Variants in KIF27 observed in about 807,000 individuals in gnomAD.
The protein encoded by KIF27 is kinesin-like protein KIF27.
Under a neutral mutation model 141.8 loss-of-function variants are expected in KIF27, and 84 were observed. That is an observed-to-expected ratio of 0.59 (90% confidence interval 0.50 to 0.71). The LOEUF (loss-of-function observed/expected upper bound fraction) is 0.71. KIF27 is among the 30% of genes least tolerant of loss of function. The pLI is 0.00. For synonymous variants in KIF27, 471 were observed against 569.5 expected (o/e 0.83, Z 2.46); for missense variants, 1,306 against 1,628.4 (o/e 0.80, Z 3.41).
chr9:83,859,128 C>T (rs369263386), intron 14 of KIF27, 28 bp downstream of exon 14: 12 of 1,390,650 alleles, frequency 8.6e-6, no homozygotes, highest in South Asian at 1.2e-5. Context: ...TCATACAGCA[C>T]CTCCAGTTCC....
chr9:83,860,931 T>C (rs1459005706), intron 13 of KIF27, among the ~76,000 whole-genome samples: 1 of 152,038 alleles, frequency 6.6e-6, no homozygotes, highest in Non-Finnish European at 1.5e-5. Flanking sequence ...TCACATTTGA[T>C]TGTTTGGCTA....
intron 13 of KIF27, 151 bp from the exon 14 acceptor site, chr9:83,859,522 G>A (rs1949641555): frequency 1.6e-6 from 1 of 606,786 alleles, no homozygotes; most frequent in South Asian, 2.1e-5. Flanking sequence ...TTGAGGGAGG[G>A]GGTATTCATT....
chr9:83,905,823 C>T (rs918698663), intron 3 of KIF27, among the ~76,000 whole-genome samples: 3 of 152,306 alleles, frequency 2.0e-5, no homozygotes, highest in African/African-American at 7.2e-5. Flanking sequence ...AAGCTTCCCA[C>T]GTGTACTAAT....
chr9:83,903,113 C>T lies in KIF27; in HGVS notation c.1405G>A (p.Gly469Arg). 1 of 1,614,148 alleles carries T rather than the reference C, an allele frequency of 6.2e-7. No individual in the cohort carries two copies. Among genetic ancestry groups the T allele is most frequent in the Non-Finnish European group, 8.5e-7 (1 of 1,180,024 alleles). The change falls in exon 4 of 18, where the codon GGA (glycine) becomes AGA (arginine). Residue 469 changes from glycine (G) to arginine (R), a missense_variant. By Grantham distance (125) the Gly-to-Arg change is moderately radical. Around this residue, in one of 4 missense-constraint regions of KIF27, gnomAD observed 533 missense variants for 565.6 expected, o/e 0.94. Coordinates refer to ENST00000297814, the MANE Select transcript of KIF27 (RefSeq NM_017576.4). Reference protein sequence around the residue: ...GIGGTASLEEGPQHVTVLQLK... With the variant: ...GIGGTASLEERPQHVTVLQLK... ...TGGAGAACTGTAACATGCTGTGGTC[C>T]TTCTTCCAGACTTGCAGTGCCTCCG...
At chr9:83,913,968 C>A (rs1280241867) in intron 2 of KIF27, among the ~76,000 whole-genome samples, 1 of 151,942 alleles carries the variant, frequency 6.6e-6, no homozygotes, top group Non-Finnish European at 1.5e-5. Flanking sequence ...AAAACACCAT[C>A]CAAAATGTTC....
At position 83,837,238 on chromosome 9, in the gene KIF27, T is replaced by C. The variant is rs776719927; in HGVS notation, c.3969A>G (p.Thr1323=). ...TTGTAAACTGATTATCATCTGTTTC[T>C]GTTTTATTCTCATTACCTAACATAT... ...SGHMLGNENK[T]ETDDNQFTKS... Residue 1323 remains threonine (T), a synonymous_variant, in exon 18 of 18, where the codon ACA becomes ACG. Transcript: ENST00000297814. The C allele has an allele frequency of 6.2e-7, 1 of 1,613,738 alleles. No homozygotes were observed. The highest frequency in any genetic ancestry group is 8.5e-7 in the Non-Finnish European group (1 of 1,179,790).
intron 10 of KIF27, among the ~76,000 whole-genome samples, chr9:83,880,845 T>C (rs1205593100): frequency 6.6e-6 from 1 of 152,244 alleles, no homozygotes; most frequent in Non-Finnish European, 1.5e-5. Flanking sequence ...TCTTATCATA[T>C]ACCCCTAATC....
chr9:83,889,413 T>C, intron 6 of KIF27, 160 bp from the exon 7 acceptor site: 1 of 552,952 alleles, frequency 1.8e-6, no homozygotes, highest in Non-Finnish European at 3.1e-6. Flanking sequence ...TCAAAATTAA[T>C]TTAACAATAC....
At chr9:83,840,860 T>C (rs1320927826) in intron 17 of KIF27, among the ~76,000 whole-genome samples, 2 of 152,170 alleles carry the variant, frequency 1.3e-5, no homozygotes, top group Non-Finnish European at 2.9e-5. Flanking sequence ...AGGCAACTTT[T>C]ATCTTGGAAT....
At chr9:83,883,693 T>C (rs1430890823) in intron 10 of KIF27, 120 bp downstream of exon 10, 3 of 651,450 alleles carry the variant, frequency 4.6e-6, no homozygotes, top group Non-Finnish European at 7.9e-6. Context: ...AAAAGAAAAG[T>C]TGATACCCAG....
Position 83,836,290 on chromosome 9 carries a change from A to T in KIF27, c.*711T>A, listed in dbSNP as rs1403316262. On this transcript the variant is annotated 3_prime_UTR_variant, in exon 18 of 18. Transcript: ENST00000297814. ...TAATTTCCGTGTTCCATGGAACAGCATTCATTTCTCCCAGTTTTAGTAACA... is the reference window on the plus strand; with the variant it reads ...TAATTTCCGTGTTCCATGGAACAGCTTTCATTTCTCCCAGTTTTAGTAACA... 6.6e-6 allele frequency among the ~76,000 whole-genome samples: 1 copy of T among 152,100 alleles called. No individual in the cohort carries two copies.
Position 83,888,595 on chromosome 9 carries a change from TA to T in KIF27, c.1980-4del, listed in dbSNP as rs772238541. On this transcript the variant is annotated splice_region_variant and splice_polypyrimidine_tract_variant and intron_variant, in intron 7 of 17. Coordinates refer to ENST00000297814, the MANE Select transcript of KIF27 (RefSeq NM_017576.4). ...GAATCCATGAACGACTTCTACATCT[TA>T]AAAAAAAATCAGAAAGTTAACTTAT... The T allele has an allele frequency of 7.4e-4, 1,103 of 1,483,930 alleles. No individual in the cohort carries two copies. Among genetic ancestry groups the T allele is most frequent in the Admixed American group, 1.2e-3 (58 of 50,366 alleles). The allele number at this position is 1,483,930 out of a possible 1,614,324, so 91.9% of individuals were successfully genotyped here. A position where few individuals can be genotyped will look rare whatever the true frequency, so the allele number is the denominator to read the frequency against.
Position 83,889,111 on chromosome 9 carries a change from G to A in KIF27, c.1952C>T (p.Ser651Leu). 6.2e-7 allele frequency: 1 copy of A among 1,613,318 alleles called. No individual in the cohort carries two copies. Among genetic ancestry groups the A allele is most frequent in the Non-Finnish European group, 8.5e-7 (1 of 1,179,572 alleles). ...AGTTCCAGATTTCTCTTGGCCTTCTGATTCTTCATCATCACTGTTATCAGA... is the reference window on the plus strand; with the variant it reads ...AGTTCCAGATTTCTCTTGGCCTTCTAATTCTTCATCATCACTGTTATCAGA... ...QFSDNSDDEE[S>L]EGQEKSGTRC... Residue 651 changes from serine to leucine, a missense_variant, in exon 7 of 18, where the codon TCA becomes TTA. By Grantham distance (145) the Ser-to-Leu change is moderately radical. This residue lies in a region of KIF27 where 596 missense variants were observed against 751.6 expected (regional missense o/e 0.79). Coordinates refer to ENST00000297814, the MANE Select transcript of KIF27 (RefSeq NM_017576.4).
chr9:83,875,251 A>G (rs1951120586), intron 11 of KIF27, among the ~76,000 whole-genome samples: 1 of 152,230 alleles, frequency 6.6e-6, no homozygotes, highest in South Asian at 2.1e-4. Context: ...ATATACTCTG[A>G]AGGCTTTAAT....
intron 14 of KIF27, among the ~76,000 whole-genome samples, chr9:83,854,538 T>A (rs1948967350): frequency 6.6e-6 from 1 of 152,214 alleles, no homozygotes; most frequent in African/African-American, 2.4e-5. Context: ...TGAATCCCTG[T>A]AGGAAAACCT....
rs140546026 is a variant in KIF27 at position 83,859,124 on chromosome 9, A to G, written c.3150+32T>C. ...AAATCACTCAAGTGATCCATCATAC[A>G]GCACCTCCAGTTCCAAAGAATACTG... On this transcript the variant is annotated intron_variant, in intron 14 of 17. Transcript: ENST00000297814. 3.2e-3 allele frequency: 4,252 copies of G among 1,328,418 alleles called. 111 individuals carry two copies. In the African/African-American group the frequency reaches 0.052, roughly 16 times the overall value. 82.3% of individuals were successfully genotyped at this position (1,328,418 alleles called of 1,614,324 possible).
intron 16 of KIF27, among the ~76,000 whole-genome samples, chr9:83,848,121 ATCTGATATC>A (rs1344362339): frequency 1.5e-5 from 1 of 66,320 alleles, no homozygotes; most frequent in Non-Finnish European, 2.7e-5. Context: ...TATCTGATAT[ATCTGATATC>A]TCATATATGA....
intron 13 of KIF27, among the ~76,000 whole-genome samples, chr9:83,863,139 C>A (rs561167367): frequency 6.6e-6 from 1 of 152,156 alleles, no homozygotes; most frequent in East Asian, 1.9e-4. Flanking sequence ...AATTTGACTT[C>A]CTCTTTTCCT....
intron 12 of KIF27, among the ~76,000 whole-genome samples, chr9:83,870,141 C>CTCTCTA (rs1554777740): frequency 1.3e-5 from 2 of 151,504 alleles, no homozygotes; most frequent in African/African-American, 2.4e-5. Flanking sequence ...CTATCTATCT[C>CTCTCTA]TCTATCTATC....
Sources: allele counts gnomAD v4.1 joint callset (sites outside exome capture counted in the v4.1 genomes callset), GRCh38; gene constraint gnomAD v4.1.1; regional missense constraint gnomAD v4.1.1; transcripts MANE v1.5; gene names NCBI Gene and HGNC (gene_info 2026-07-23, HGNC 2026-07-21).